Variants in GPHN observed in about 807,000 individuals in gnomAD.
GPHN encodes gephyrin.
In GPHN, 17 loss-of-function variants were observed where a neutral mutation model predicts 95.5. The observed-to-expected ratio is 0.18, with a 90% CI of 0.12 to 0.27. The LOEUF is 0.27. Ranked by LOEUF, GPHN falls within the 10% of genes least tolerant of loss-of-function variation. GPHN has a pLI of 1.00. For missense variants in GPHN, 660 were observed against 978.1 expected (o/e 0.67, Z 4.34); for synonymous variants, 320 against 322.5 (o/e 0.99, Z 0.08).
intron 1 of GPHN, among the ~76,000 whole-genome samples, chr14:66,574,749 C>G (rs765146020): frequency 2.0e-5 from 3 of 152,154 alleles, no homozygotes; most frequent in Non-Finnish European, 4.4e-5. Flanking sequence ...ATCATCCTAT[C>G]GACCATGGGC....
intron 11 of GPHN, among the ~76,000 whole-genome samples, chr14:67,079,512 A>AT (rs2076611924): frequency 6.6e-6 from 1 of 152,230 alleles, no homozygotes; most frequent in South Asian, 2.1e-4. Flanking sequence ...AAGTAGGATC[A>AT]TATAATACAT....
chr14:67,421,696 G>A, the GPHN span, among the ~76,000 whole-genome samples: 317 of 152,230 alleles, frequency 2.1e-3, 6 homozygotes, highest in East Asian at 0.05. Flanking sequence ...ATGTGCATTC[G>A]GAGCCATTGG....
chr14:67,214,548 A>G, the GPHN span, among the ~76,000 whole-genome samples: 2 of 152,310 alleles, frequency 1.3e-5, no homozygotes, highest in African/African-American at 2.4e-5. Context: ...TACCAGTACC[A>G]TGCTATTTTG....
At chr14:67,543,795 A>G in the GPHN span, among the ~76,000 whole-genome samples, 1 of 151,864 alleles carries the variant, frequency 6.6e-6, no homozygotes, top group South Asian at 2.1e-4. Flanking sequence ...AAAAAAACCC[A>G]CTATGAATCA....
the GPHN span, among the ~76,000 whole-genome samples, chr14:67,516,094 G>A: frequency 4.6e-5 from 7 of 152,186 alleles, no homozygotes; most frequent in Non-Finnish European, 1.0e-4. Flanking sequence ...CCGAACGTAG[G>A]AAATCGGCAG....
chr14:67,315,157 T>C, the GPHN span, among the ~76,000 whole-genome samples: 1 of 152,072 alleles, frequency 6.6e-6, no homozygotes, highest in African/African-American at 2.4e-5. Context: ...CTATAGTTCA[T>C]ACTACAAAAA....
the GPHN span, among the ~76,000 whole-genome samples, chr14:67,280,856 C>T: frequency 7.6e-6 from 1 of 132,266 alleles, no homozygotes; most frequent in African/African-American, 2.9e-5. Flanking sequence ...TCCTTCCTTC[C>T]CTCCCTCCCT....
At chr14:67,148,648 C>T (rs2081049958) in intron 18 of GPHN, among the ~76,000 whole-genome samples, 1 of 150,582 alleles carries the variant, frequency 6.6e-6, no homozygotes, top group African/African-American at 2.5e-5. Flanking sequence ...GCAAGCTCCG[C>T]CTCCCGGGTT....
At chr14:67,366,724 A>C in the GPHN span, among the ~76,000 whole-genome samples, 1 of 152,180 alleles carries the variant, frequency 6.6e-6, no homozygotes, top group Non-Finnish European at 1.5e-5. Flanking sequence ...AAGCCTTTCA[A>C]CGTAAATGCC....
At chr14:67,645,472 G>C in the GPHN span, among the ~76,000 whole-genome samples, 3 of 152,276 alleles carry the variant, frequency 2.0e-5, no homozygotes, top group African/African-American at 7.2e-5. Context: ...TATCACTCAA[G>C]ATTAATTTTT....
At chr14:66,658,542 A>G (rs1206547958) in intron 1 of GPHN, among the ~76,000 whole-genome samples, 3 of 152,164 alleles carry the variant, frequency 2.0e-5, no homozygotes, top group East Asian at 1.9e-4. Flanking sequence ...AACCACCACC[A>G]TGATGAGTTA....
At chr14:66,726,641 A>C (rs761145461) in intron 2 of GPHN, among the ~76,000 whole-genome samples, 83 of 152,336 alleles carry the variant, frequency 5.4e-4, no homozygotes, top group Non-Finnish European at 1.1e-3. Flanking sequence ...TATGTATTCA[A>C]ATATTTCATA....
At chr14:67,022,120 T>C (rs1455618241) in intron 9 of GPHN, among the ~76,000 whole-genome samples, 1 of 152,124 alleles carries the variant, frequency 6.6e-6, no homozygotes, top group South Asian at 2.1e-4. Flanking sequence ...AAGGCTGTAG[T>C]GGTATAGTTA....
the GPHN span, chr14:67,577,235 G>A: frequency 3.1e-6 from 3 of 954,460 alleles, no homozygotes; most frequent in Admixed American, 2.0e-5. Flanking sequence ...AAAGATGGCG[G>A]TGAGTGGGAG....
the GPHN span, among the ~76,000 whole-genome samples, chr14:67,608,235 CG>C: frequency 6.6e-6 from 1 of 151,126 alleles, no homozygotes; most frequent in East Asian, 1.9e-4. Flanking sequence ...GACCCTGTCT[CG>C]AAAAAAAAAG....
chr14:67,049,776 G>C (rs554679785), intron 10 of GPHN, among the ~76,000 whole-genome samples: 124 of 152,332 alleles, frequency 8.1e-4, no homozygotes, highest in African/African-American at 2.9e-3. Context: ...CTCCCAAAGT[G>C]CTGGGATTAC....
chr14:67,347,388 T>C, the GPHN span: 1 of 1,573,512 alleles, frequency 6.4e-7, no homozygotes, highest in South Asian at 1.1e-5. Context: ...CACAAAGTAA[T>C]ACAAAAAGTT....
At chr14:67,573,751 C>A in the GPHN span, 5 of 1,215,756 alleles carry the variant, frequency 4.1e-6, no homozygotes, top group Non-Finnish European at 6.1e-6. This position sits in a 1 kb window ranked among gnomAD's most constrained non-coding sequence, Gnocchi z 4.8. Context: ...TGAGGTGCTC[C>A]GGAAAGGCTC....
intron 1 of GPHN, among the ~76,000 whole-genome samples, chr14:66,586,564 C>G (rs182319097): frequency 4.6e-5 from 7 of 152,226 alleles, no homozygotes; most frequent in African/African-American, 1.7e-4. Flanking sequence ...CCTTCAGGAG[C>G]TCTTGTAGGG....
Sources: allele counts gnomAD v4.1 joint callset (sites outside exome capture counted in the v4.1 genomes callset), GRCh38; gene constraint gnomAD v4.1.1; non-coding constraint Gnocchi (gnomAD v3.1); transcripts MANE v1.5; gene names NCBI Gene and HGNC (gene_info 2026-07-23, HGNC 2026-07-21).